Variants in SECISBP2 observed in about 807,000 individuals in gnomAD.
The protein encoded by SECISBP2 is SECIS binding protein 2, also known as selenocysteine insertion sequence-binding protein 2.
A neutral mutation model predicts 98.2 loss-of-function variants in SECISBP2; 96 were observed. That is an observed-to-expected ratio of 0.98 (90% CI 0.83 to 1.16). SECISBP2 has a LOEUF of 1.16. Among genes scored for constraint, SECISBP2 ranks in the 50% most tolerant of loss-of-function variants. The probability of loss-of-function intolerance (pLI) is 0.00; values close to 1 mark genes in which losing one functional copy is unlikely to be tolerated. For synonymous variants in SECISBP2, 407 were observed against 370.2 expected (o/e 1.10, Z -1.14); for missense variants, 1,046 against 1,022.9 (o/e 1.02, Z -0.31).
chr9:89,340,102 C>T, intron 9 of SECISBP2, 149 bp downstream of exon 9: 1 of 627,680 alleles, frequency 1.6e-6, no homozygotes, highest in Middle Eastern at 4.0e-4. Context: ...CTGCACCCAG[C>T]ATGTTGAAAC....
Position 89,348,101 on chromosome 9 carries a change from A to C in SECISBP2, c.1625A>C (p.Glu542Ala). 6.2e-7 allele frequency: 1 copy of C among 1,613,732 alleles called. No homozygotes were observed. Among genetic ancestry groups the C allele is most frequent in the Non-Finnish European group, 8.5e-7 (1 of 1,179,576 alleles). ...LKKIILKERQERKQRLQENAV... is the reference protein window; with the variant it reads ...LKKIILKERQARKQRLQENAV... ...AAGATTATTTTGAAAGAACGGCAAG[A>C]GAGAAAGCAGCGTCTCCAAGAAAAT... is the stretch of plus-strand genomic sequence containing the variant. Residue 542 changes from glutamate (E) to alanine (A), a missense_variant, in exon 12 of 17, where the codon GAG becomes GCG. Glu to Ala is a moderately radical substitution (Grantham distance 107). Transcript: ENST00000375807.
At chr9:89,328,921 T>C in intron 5 of SECISBP2, 35 bp downstream of exon 5, 1 of 1,495,120 alleles carries the variant, frequency 6.7e-7, no homozygotes, top group Non-Finnish European at 9.3e-7. Flanking sequence ...TCTTTTTCCT[T>C]TGTACACTTT....
Position 89,357,424 on chromosome 9 carries a change from C to T in SECISBP2, c.2127C>T (p.Asp709=), listed in dbSNP as rs1190523931. The T allele has an allele frequency of 1.2e-6, 2 of 1,614,156 alleles. No individual in the cohort carries two copies. Among genetic ancestry groups the T allele is most frequent in the Non-Finnish European group, 1.7e-6 (2 of 1,180,050 alleles). Residue 709 remains aspartate, a synonymous_variant, in exon 15 of 17, where the codon GAC becomes GAT. Coordinates refer to ENST00000375807, the MANE Select transcript of SECISBP2 (RefSeq NM_024077.5). ...EKIQSKGGLD[D]TLHTIIDYAC... ...TCCTTTGACCAGGTGGGCTGGATGA[C>T]ACTTTGCACACAATTATTGATTATG...
chr9:89,319,974 A>G (rs1363028443), intron 2 of SECISBP2, among the ~76,000 whole-genome samples, 177 bp downstream of exon 2: 1 of 152,236 alleles, frequency 6.6e-6, no homozygotes, highest in Non-Finnish European at 1.5e-5. Context: ...TGCCAAAAAC[A>G]GAAGCTTTAA....
intron 2 of SECISBP2, among the ~76,000 whole-genome samples, chr9:89,321,095 G>A (rs79920679): frequency 0.029 from 4,396 of 152,244 alleles, 87 homozygotes; most frequent in Middle Eastern, 0.075. Context: ...GCTGGAATTT[G>A]GTCTTTGGTA....
chr9:89,363,714 G>A (rs775993112), downstream of SECISBP2: 4 of 1,606,618 alleles, frequency 2.5e-6, no homozygotes, highest in South Asian at 2.2e-5. Flanking sequence ...TCATAAAAGG[G>A]TAACAGTGGG....
intron 6 of SECISBP2, chr9:89,333,944 C>A: frequency 1.2e-6 from 1 of 849,918 alleles, no homozygotes; most frequent in Middle Eastern, 5.9e-4. Context: ...GTCTGTTTTA[C>A]CCTTGGGGGT....
intron 4 of SECISBP2, among the ~76,000 whole-genome samples, chr9:89,327,812 G>GTTT (rs555623897): frequency 3.7e-5 from 5 of 136,870 alleles, no homozygotes; most frequent in African/African-American, 5.3e-5. Context: ...GTCGTTTTGT[G>GTTT]TTTTTTTTTT....
downstream of SECISBP2, chr9:89,360,895 T>A (rs1208263541): frequency 1.3e-5 from 2 of 152,210 alleles, no homozygotes; most frequent in African/African-American, 4.8e-5. Context: ...TTACGAAAAC[T>A]TCAAGTATGT....
intron 3 of SECISBP2, 91 bp from the exon 4 acceptor site, chr9:89,325,806 G>A: frequency 6.3e-7 from 1 of 1,589,990 alleles, no homozygotes; most frequent in African/African-American, 1.4e-5. Context: ...TTTAAAAAAT[G>A]ATTGAATTGT....
chr9:89,332,797 G>C, intron 5 of SECISBP2, 111 bp from the exon 6 acceptor site: 2 of 848,804 alleles, frequency 2.4e-6, no homozygotes, highest in Admixed American at 2.0e-5. Context: ...ATTCTTACCA[G>C]CAATGGATAA....
intron 10 of SECISBP2, among the ~76,000 whole-genome samples, chr9:89,346,590 G>C (rs1472952639): frequency 6.6e-6 from 1 of 152,146 alleles, no homozygotes; most frequent in Non-Finnish European, 1.5e-5. Flanking sequence ...AGACTGTACT[G>C]AGAAACATGG....
intron 9 of SECISBP2, among the ~76,000 whole-genome samples, chr9:89,340,250 A>C (rs191448034): frequency 6.6e-6 from 1 of 152,316 alleles, no homozygotes; most frequent in Non-Finnish European, 1.5e-5. Flanking sequence ...ATGAAACTTT[A>C]AGGGGAAAAA....
chr9:89,324,362 C>T (rs529643800), intron 2 of SECISBP2: 5 of 152,238 alleles, frequency 3.3e-5, no homozygotes, highest in South Asian at 2.1e-4. Flanking sequence ...AGTTACTTAC[C>T]TGTAAGTAAA....
At chr9:89,349,268 C>G (rs1468843174) in intron 12 of SECISBP2, among the ~76,000 whole-genome samples, 11 of 152,180 alleles carry the variant, frequency 7.2e-5, no homozygotes, top group Admixed American at 2.6e-4. Context: ...TAAGCTATCA[C>G]TGCATCAGAT....
At chr9:89,363,495 GCT>G, downstream of SECISBP2, 2 of 1,614,088 alleles carry the variant, frequency 1.2e-6, no homozygotes. Context: ...CAGGCAGAGA[GCT>G]CTCTGGTCCA....
chr9:89,338,886 G>GTTGTT (rs1829213467), intron 8 of SECISBP2, among the ~76,000 whole-genome samples: 1 of 140,748 alleles, frequency 7.1e-6, no homozygotes. Flanking sequence ...TTCTTTACCT[G>GTTGTT]TTTTTTTTTT....
intron 10 of SECISBP2, among the ~76,000 whole-genome samples, chr9:89,345,331 A>C (rs1024527014): frequency 4.6e-5 from 7 of 152,212 alleles, no homozygotes; most frequent in Non-Finnish European, 8.8e-5. Flanking sequence ...GAATTCAGCA[A>C]GCCCCTTATG....
At chr9:89,320,490 C>T (rs1012923417) in intron 2 of SECISBP2, among the ~76,000 whole-genome samples, 1 of 152,112 alleles carries the variant, frequency 6.6e-6, no homozygotes, top group Non-Finnish European at 1.5e-5. Flanking sequence ...ACGTACTCCT[C>T]CTTTTTAAGG....
Sources: allele counts gnomAD v4.1 joint callset (sites outside exome capture counted in the v4.1 genomes callset), GRCh38; gene constraint gnomAD v4.1.1; transcripts MANE v1.5; gene names NCBI Gene and HGNC (gene_info 2026-07-23, HGNC 2026-07-21).